The following TBC1D16 variants were observed in gnomAD, a reference collection of about 807,000 sequenced individuals.
TBC1D16 encodes CTD-2529O21.1.
Under a neutral mutation model 74.7 loss-of-function variants are expected in TBC1D16, and 58 were observed. The ratio of observed to expected loss-of-function variants is 0.78; its 90% confidence interval spans 0.63 to 0.97. TBC1D16 has a LOEUF of 0.97. Ranked by LOEUF, TBC1D16 falls within the 50% of genes least tolerant of loss-of-function variation. The pLI, the probability that TBC1D16 is intolerant of heterozygous loss-of-function variation, is 0.00. For missense variants in TBC1D16, 1,014 were observed against 1,079.5 expected, an observed-to-expected ratio of 0.94 and a Z score of 0.85; for synonymous variants, 493 against 474.7, an observed-to-expected ratio of 1.04 and a Z score of -0.50.
intron 1 of TBC1D16, among the ~76,000 whole-genome samples, chr17:80,032,173 C>A (rs2036797200): frequency 6.6e-6 from 1 of 152,172 alleles, no homozygotes; most frequent in Admixed American, 6.5e-5. Flanking sequence ...GCGGGCTTGG[C>A]ACCCGCAGTA....
intron 3 of TBC1D16, among the ~76,000 whole-genome samples, chr17:79,968,398 A>G (rs1361082403): frequency 1.3e-5 from 2 of 152,254 alleles, no homozygotes; most frequent in African/African-American, 4.8e-5. Flanking sequence ...CACACTGTCT[A>G]CAACAATTAA....
chr17:79,976,636 G>A (rs962753085), intron 3 of TBC1D16, among the ~76,000 whole-genome samples: 3 of 152,188 alleles, frequency 2.0e-5, no homozygotes, highest in Non-Finnish European at 4.4e-5. Context: ...GACCCCCGCC[G>A]CTCCTGACTC....
In TBC1D16 at chr17:80,010,652, C is replaced by T. The variant is rs758639116; in HGVS notation, c.287G>A (p.Arg96His). 3.9e-6 allele frequency: 6 copies of T among 1,549,382 alleles called. No homozygotes were observed. The highest frequency in any genetic ancestry group is 5.2e-6 in the Non-Finnish European group (6 of 1,150,828). ...GGGGGAGCTCTCGGGTGTGATGTAG[C>T]GCAGGGCCTCCTCGTCCTGCCTCTG... ...RIQRQDEEAL[R>H]YITPESSPVR... The change falls in exon 3 of 12, where the codon CGC becomes CAC. Residue 96 changes from arginine to histidine, a missense_variant. Transcript: ENST00000310924. The surrounding 1 kb of genome is among the most constrained non-coding windows in gnomAD (Gnocchi z 8.8).
intron 1 of TBC1D16, among the ~76,000 whole-genome samples, chr17:80,015,464 G>T (rs1171832445): frequency 6.8e-6 from 1 of 147,592 alleles, no homozygotes; most frequent in Non-Finnish European, 1.5e-5. Context: ...AAAAATAAAA[G>T]ACAGGCACAG....
chr17:79,989,734 T>C (rs1456167132), intron 3 of TBC1D16, among the ~76,000 whole-genome samples: 2 of 152,244 alleles, frequency 1.3e-5, no homozygotes, highest in African/African-American at 4.8e-5. Flanking sequence ...ATGTCCTCTC[T>C]GCACAAGCAG....
intron 1 of TBC1D16, among the ~76,000 whole-genome samples, chr17:80,028,655 G>T (rs2036671373): frequency 6.8e-6 from 1 of 146,630 alleles, no homozygotes. Context: ...ACAGAGTCTC[G>T]CTCTGTCGCC....
rs1183451477 is a variant in TBC1D16 at position 80,009,694 on chromosome 17, G to A, written c.779+466C>T. Among the ~76,000 whole-genome samples, 1 of 152,264 alleles carries A rather than the reference G, an allele frequency of 6.6e-6. No homozygotes were observed. Among genetic ancestry groups the A allele is most frequent in the Non-Finnish European group, 1.5e-5 (1 of 68,042 alleles). ...CACGTGCCCAGTGGGCTGCAGGGCA[G>A]AGCGGGGAGCTGGAGACCAGCACAT... On this transcript the variant is annotated intron_variant, in intron 3 of 11. Coordinates refer to ENST00000310924, the MANE Select transcript of TBC1D16 (RefSeq NM_019020.4). This position sits in a 1 kb window ranked among gnomAD's most constrained non-coding sequence, Gnocchi z 5.4.
Position 79,947,772 on chromosome 17 carries a change from G to C in TBC1D16, c.1601C>G (p.Ser534Trp). The change falls in exon 9 of 12, where the codon TCG becomes TGG. Residue 534 changes from serine (S) to tryptophan (W), a missense_variant. Ser to Trp is a radical substitution (Grantham distance 177). Coordinates refer to ENST00000310924, the MANE Select transcript of TBC1D16 (RefSeq NM_019020.4). ...NPAVGYSQGM[S>W]DLVAPILAEV... ...GGCCAAGATGGGCGCCACCAGGTCCGACATCCCTTGGGAATAGCCGACGGC... is the reference window on the plus strand; with the variant it reads ...GGCCAAGATGGGCGCCACCAGGTCCCACATCCCTTGGGAATAGCCGACGGC... 2 of 1,613,924 alleles carry C rather than the reference G, an allele frequency of 1.2e-6. No individual in the cohort carries two copies. Among genetic ancestry groups the C allele is most frequent in the Non-Finnish European group, 1.7e-6 (2 of 1,180,004 alleles).
chr17:80,017,525 T>C (rs2036131240), intron 1 of TBC1D16, among the ~76,000 whole-genome samples: 2 of 151,266 alleles, frequency 1.3e-5, no homozygotes, highest in South Asian at 4.2e-4. Context: ...CTACTAAAAA[T>C]ACAAAATTAG....
chr17:79,949,928 C>A, intron 6 of TBC1D16, 63 bp from the exon 7 acceptor site: 1 of 1,561,328 alleles, frequency 6.4e-7, no homozygotes, highest in Admixed American at 1.9e-5. Context: ...ACCCCCAAAT[C>A]CCCAGAGATG....
At chr17:79,942,322 C>G in intron 10 of TBC1D16, 116 bp from the exon 11 acceptor site, 2 of 1,166,344 alleles carry the variant, frequency 1.7e-6, no homozygotes, top group Non-Finnish European at 2.4e-6. Flanking sequence ...GGTCTGGGCT[C>G]ACAGCCCAGC....
Position 80,026,294 on chromosome 17 carries a change from G to A in TBC1D16, c.-63+9501C>T, listed in dbSNP as rs574341837. On this transcript the variant is annotated intron_variant, in intron 1 of 11. Coordinates refer to ENST00000310924, the MANE Select transcript of TBC1D16 (RefSeq NM_019020.4). ...ACAAAAATTAGCCAGGCATGGTGGC[G>A]CACGCCTGTAATCCCAGCTACTCAG... is the stretch of plus-strand genomic sequence containing the variant. Among the ~76,000 whole-genome samples, 36 of 149,678 alleles carry A rather than the reference G, an allele frequency of 2.4e-4. 4 individuals are homozygous for A. Among genetic ancestry groups the A allele is most frequent in the Admixed American group, 9.2e-4 (14 of 15,240 alleles).
At chr17:79,991,221 C>T (rs1022921870) in intron 3 of TBC1D16, among the ~76,000 whole-genome samples, 5 of 152,220 alleles carry the variant, frequency 3.3e-5, no homozygotes, top group South Asian at 2.1e-4. Context: ...GCGTCCACGC[C>T]GGGAGAGCAG....
chr17:79,970,293 T>C (rs1568598709), intron 3 of TBC1D16, among the ~76,000 whole-genome samples: 1 of 152,116 alleles, frequency 6.6e-6, no homozygotes, highest in African/African-American at 2.4e-5. Context: ...AGGGCTGGGC[T>C]GTGACTGCTA....
chr17:79,941,140 C>G lies in TBC1D16; in HGVS notation c.2056-33G>C, dbSNP rs779376111. On this transcript the variant is annotated intron_variant, in intron 11 of 11. Transcript: ENST00000310924. The surrounding 1 kb of genome is among the most constrained non-coding windows in gnomAD (Gnocchi z 4.3). ...CAGAGGACGGGGGGTGAGGAGGGGC[C>G]GGGGGACAGCCTGGCAGCCTAGGGT... 5.3e-5 allele frequency: 81 copies of G among 1,523,472 alleles called. No homozygotes were observed. The highest frequency in any genetic ancestry group is 6.4e-5 in the Non-Finnish European group (72 of 1,125,932). The allele number at this position is 1,523,472 out of a possible 1,614,324, so 94.4% of individuals were successfully genotyped here.
intron 7 of TBC1D16, among the ~76,000 whole-genome samples, chr17:79,949,207 C>A (rs1002774412): frequency 6.6e-6 from 1 of 152,256 alleles, no homozygotes; most frequent in African/African-American, 2.4e-5. Context: ...ATTAACTCAG[C>A]CTCACAGTCT....
In TBC1D16 at chr17:79,935,022, G is replaced by A. The variant is rs1224056603; in HGVS notation, c.*5837C>T. The A allele has an allele frequency of 6.6e-6, 1 of 152,252 alleles. No homozygotes were observed. The highest frequency in any genetic ancestry group is 2.4e-5 in the African/African-American group (1 of 41,454). 9.4% of individuals were successfully genotyped at this position (152,252 alleles called of 1,614,324 possible). ...CTGACCCCTGCTGCACGGTTCCAAG[G>A]GCTTGGTAGGGCAGCCTGAATTTTC... On this transcript the variant is annotated 3_prime_UTR_variant, in exon 12 of 12. Coordinates refer to ENST00000310924, the MANE Select transcript of TBC1D16 (RefSeq NM_019020.4).
chr17:80,003,414 G>A (rs1442540027), intron 3 of TBC1D16, among the ~76,000 whole-genome samples: 21 of 152,266 alleles, frequency 1.4e-4, no homozygotes, highest in Non-Finnish European at 4.4e-5. Flanking sequence ...GGGAGGCCCC[G>A]CTGGCGGCAC....
In TBC1D16 at chr17:79,961,338, T is replaced by G. The variant is rs74000307; in HGVS notation, c.780-8520A>C. 0.048 allele frequency among the ~76,000 whole-genome samples: 7,370 copies of G among 152,250 alleles called. 326 individuals are homozygous for G. Among genetic ancestry groups the G allele is most frequent in the African/African-American group, 0.12 (4,923 of 41,532 alleles). ...TTAGAATGGCTACAGTGGACAAGAC[T>G]GATCATAGCAAGTGTTGCTGAGGAC... On this transcript the variant is annotated intron_variant, in intron 3 of 11. Transcript: ENST00000310924. The surrounding 1 kb of genome is among the most constrained non-coding windows in gnomAD (Gnocchi z 4.8).
Sources: gnomAD v4.1 joint callset for allele counts (sites outside exome capture counted in the v4.1 genomes callset) on GRCh38, gnomAD v4.1.1 for gene constraint, Gnocchi (gnomAD v3.1) non-coding constraint, MANE v1.5 for transcripts, NCBI Gene and HGNC (gene_info 2026-07-23, HGNC 2026-07-21) for gene names.